Variants in SPATA13 observed in about 807,000 individuals in gnomAD.
SPATA13 encodes the protein spermatogenesis-associated protein 13.
In SPATA13, 50 loss-of-function variants were observed where a neutral mutation model predicts 104.0. The observed-to-expected ratio is 0.48, with a 90% CI of 0.38 to 0.61. The LOEUF is 0.61. SPATA13 is among the 20% of genes least tolerant of loss of function. The pLI is 0.00. For missense variants in SPATA13, 1,524 were observed against 1,690.6 expected (o/e 0.90, Z 1.73); for synonymous variants, 606 against 667.5 (o/e 0.91, Z 1.42).
At chr13:24,064,603 A>G (rs1396601329) in intron 3 of SPATA13, among the ~76,000 whole-genome samples, 1 of 152,188 alleles carries the variant, frequency 6.6e-6, no homozygotes, top group Non-Finnish European at 1.5e-5. Context: ...ACCAGGAAGT[A>G]GGCCCTCACC....
intron 3 of SPATA13, among the ~76,000 whole-genome samples, chr13:24,054,343 A>T (rs928005329): frequency 6.6e-6 from 1 of 152,224 alleles, no homozygotes; most frequent in African/African-American, 2.4e-5. Context: ...AGTTTAACGA[A>T]ATTAGCTCTG....
intron 3 of SPATA13, among the ~76,000 whole-genome samples, chr13:24,250,714 AAATTG>A (rs1205373629): frequency 1.3e-5 from 2 of 152,256 alleles, no homozygotes; most frequent in Admixed American, 6.5e-5. Flanking sequence ...TTGCTTAAAT[AAATTG>A]AATTGATTTC....
At chr13:24,212,923 A>C (rs113387088) in intron 1 of SPATA13, among the ~76,000 whole-genome samples, 2,603 of 152,342 alleles carry the variant, frequency 0.017, 58 homozygotes, top group African/African-American at 0.053. Flanking sequence ...CATGTGGTAG[A>C]TGTACCATGA....
chr13:24,141,150 G>A (rs538471979), intron 3 of SPATA13, among the ~76,000 whole-genome samples: 3 of 149,288 alleles, frequency 2.0e-5, no homozygotes, highest in Admixed American at 6.8e-5. Context: ...CTCCAGCTTC[G>A]GTGGCAGAGT....
intron 3 of SPATA13, among the ~76,000 whole-genome samples, chr13:24,152,405 C>G (rs936989511): frequency 2.0e-5 from 3 of 152,340 alleles, no homozygotes; most frequent in Non-Finnish European, 4.4e-5. Context: ...AAGGACATGG[C>G]CACTTTCCTC....
At chr13:24,010,779 AAGGCAGGGCC>A (rs1360778041) in intron 2 of SPATA13, among the ~76,000 whole-genome samples, 1 of 151,986 alleles carries the variant, frequency 6.6e-6, no homozygotes, top group Non-Finnish European at 1.5e-5. Flanking sequence ...CTTGGCAAGC[AAGGCAGGGCC>A]AGTGCCTTGT....
In SPATA13 at chr13:24,286,379, G is replaced by A. The variant is rs762433072; in HGVS notation, c.2467G>A (p.Ala823Thr). Residue 823 changes from alanine to threonine, a missense_variant, in exon 6 of 13, where the codon GCG becomes ACG. Physicochemically the swap from Ala to Thr is moderately conservative, Grantham distance 58. Coordinates refer to ENST00000382108, the MANE Select transcript of SPATA13 (RefSeq NM_001166271.3). This position sits in a 1 kb window ranked among gnomAD's most constrained non-coding sequence, Gnocchi z 4.9. ...TGAAGATAAGGAAGCCTGGTTCCCC[G>A]CGAGCTTCGTCAGAGTAAGTGTGGG... is the stretch of plus-strand genomic sequence containing the variant. ...RSEDKEAWFP[A>T]SFVRLRVNQE... The A allele has an allele frequency of 3.7e-6, 6 of 1,612,160 alleles. No individual in the cohort carries two copies. Among genetic ancestry groups the A allele is most frequent in the East Asian group, 4.5e-5 (2 of 44,886 alleles).
chr13:24,015,679 A>C (rs759193925), intron 2 of SPATA13, among the ~76,000 whole-genome samples: 1 of 152,154 alleles, frequency 6.6e-6, no homozygotes, highest in Non-Finnish European at 1.5e-5. Flanking sequence ...CTAGAAGGTC[A>C]GACCAGCCAG....
intron 1 of SPATA13, among the ~76,000 whole-genome samples, chr13:24,212,086 G>A (rs1232280471): frequency 6.6e-6 from 1 of 152,134 alleles, no homozygotes; most frequent in African/African-American, 2.4e-5. Context: ...ATGAATGAAT[G>A]AATCAAGTCT....
Position 24,044,229 on chromosome 13 carries a change from CTTTCT to C in SPATA13, c.-112+26532_-112+26536del, listed in dbSNP as rs1227126361. On this transcript the variant is annotated intron_variant, in intron 3 of 14. Coordinates refer to the SPATA13 transcript ENST00000424834. Reference sequence around the variant, plus strand: ...TGTTTGATTTAATTTGTTTTTCTTTCTTTCTTTTTTTTTTTTTTTTTTGAGACGTA... The same window carrying C: ...TGTTTGATTTAATTTGTTTTTCTTTCTTTTTTTTTTTTTTTTTGAGACGTA... Among the ~76,000 whole-genome samples, 122 of 105,646 alleles carry C rather than the reference CTTTCT, an allele frequency of 1.2e-3. 1 individual carries two copies. The highest frequency in any genetic ancestry group is 3.7e-3 in the African/African-American group (117 of 31,734). The allele number at this position is 105,646 out of a possible 152,430, so 69.3% of individuals were successfully genotyped here.
In SPATA13 at chr13:24,286,139, A is replaced by C; in HGVS notation, c.2302-75A>C. 4.3e-6 allele frequency: 6 copies of C among 1,392,768 alleles called. No homozygotes were observed. The highest frequency in any genetic ancestry group is 5.9e-6 in the Non-Finnish European group (6 of 1,015,144). The allele number at this position is 1,392,768 out of a possible 1,614,324, so 86.3% of individuals were successfully genotyped here. On this transcript the variant is annotated intron_variant, in intron 5 of 12. Transcript: ENST00000382108. The surrounding 1 kb of genome is among the most constrained non-coding windows in gnomAD (Gnocchi z 4.9). ...GAGGATACCAGTGTCACCCTGAGAG[A>C]GTGCACCTAGTGGCTCCCTCACCAT...
intron 2 of SPATA13, among the ~76,000 whole-genome samples, chr13:24,230,010 T>A (rs1249574723): frequency 6.6e-6 from 1 of 152,166 alleles, no homozygotes; most frequent in East Asian, 1.9e-4. Context: ...TGAATCTGAT[T>A]TGAAGAAGGA....
Position 24,031,502 on chromosome 13 carries a change from C to G in SPATA13, c.-112+13801C>G, listed in dbSNP as rs114200057. 3.7e-3 allele frequency among the ~76,000 whole-genome samples: 558 copies of G among 152,308 alleles called. 2 individuals carry two copies. Among genetic ancestry groups the G allele is most frequent in the African/African-American group, 0.013 (520 of 41,558 alleles). On this transcript the variant is annotated intron_variant, in intron 3 of 14. Coordinates refer to the SPATA13 transcript ENST00000424834. Reference sequence around the variant, plus strand: ...AAACACATCTATGACTAGACATATGCTTGGCAGGAATTACTGCCAAGATTT... The same window carrying G: ...AAACACATCTATGACTAGACATATGGTTGGCAGGAATTACTGCCAAGATTT...
At position 24,290,783 on chromosome 13, in the gene SPATA13, T is replaced by A; in HGVS notation, c.2979T>A (p.Ile993=). 2 of 1,614,178 alleles carry A rather than the reference T, an allele frequency of 1.2e-6. No individual in the cohort carries two copies. Among genetic ancestry groups the A allele is most frequent in the Non-Finnish European group, 1.7e-6 (2 of 1,180,026 alleles). ...FEACRLLQQM[I]DIAIDGFLLT... ...CCTGCCGCCTGCTGCAGCAGATGAT[T>A]GACATCGCCATCGACGGGTTCCTGC... The change falls in exon 9 of 13, where the codon ATT becomes ATA. Residue 993 remains isoleucine (I), a synonymous_variant. Coordinates refer to ENST00000382108, the MANE Select transcript of SPATA13 (RefSeq NM_001166271.3).
chr13:24,112,946 C>T (rs1477807315), intron 3 of SPATA13, among the ~76,000 whole-genome samples: 1 of 152,176 alleles, frequency 6.6e-6, no homozygotes, highest in Non-Finnish European at 1.5e-5. Context: ...ATTTATAATT[C>T]ATTCTAGCAG....
At chr13:24,270,834 G>A in intron 4 of SPATA13, 1 of 1,612,854 alleles carries the variant, frequency 6.2e-7, no homozygotes, top group Non-Finnish European at 8.5e-7. Context: ...CTGCTCTGAA[G>A]GTTGCCGTTT....
At chr13:23,992,659 A>C (rs773919556) in intron 2 of SPATA13, among the ~76,000 whole-genome samples, 20 of 152,204 alleles carry the variant, frequency 1.3e-4, no homozygotes, top group Non-Finnish European at 2.5e-4. Context: ...AAATGAACAC[A>C]AAGTGGTCCA....
chr13:24,197,298 C>A (rs1570460), intron 1 of SPATA13, among the ~76,000 whole-genome samples: 66,466 of 152,048 alleles, frequency 0.44, 16,345 homozygotes, highest in Non-Finnish European at 0.56. Flanking sequence ...AATTGTAAAG[C>A]TGGAAAGAGT....
chr13:24,084,095 GA>G (rs1879636320), intron 3 of SPATA13, among the ~76,000 whole-genome samples: 4 of 152,162 alleles, frequency 2.6e-5, no homozygotes, highest in African/African-American at 9.7e-5. Flanking sequence ...GAGAAAGGGG[GA>G]GAAAGAGAGA....
Sources: gnomAD v4.1 joint callset for allele counts (sites outside exome capture counted in the v4.1 genomes callset) on GRCh38, gnomAD v4.1.1 for gene constraint, Gnocchi (gnomAD v3.1) non-coding constraint, MANE v1.5 for transcripts, NCBI Gene and HGNC (gene_info 2026-07-23, HGNC 2026-07-21) for gene names.